The following SMARCC1 variants were observed in gnomAD, a reference collection of about 807,000 sequenced individuals.
SMARCC1 encodes SWI/SNF complex subunit SMARCC1.
A neutral mutation model predicts 147.4 loss-of-function variants in SMARCC1; 43 were observed. The ratio of observed to expected loss-of-function variants is 0.29; its 90% CI spans 0.23 to 0.38. SMARCC1 has a LOEUF of 0.38. Among genes scored for constraint, SMARCC1 ranks in the 10% least tolerant of loss-of-function variants. The probability of loss-of-function intolerance (pLI) is 1.00; values close to 1 mark genes in which losing one functional copy is unlikely to be tolerated. For synonymous variants in SMARCC1, 495 were observed against 484.4 expected, an observed-to-expected ratio of 1.02 and a Z score of -0.29; for missense variants, 1,119 against 1,381.1, an observed-to-expected ratio of 0.81 and a Z score of 3.01.
rs956233983 is a variant in SMARCC1, at chr3:47,706,586, A to G, written c.919-56T>C. On this transcript the variant is annotated intron_variant, in intron 9 of 27. Transcript: ENST00000254480. ...GCTATCTTTGCTCCTCAGTTTCTAC[A>G]AATCCTTGGCAAAAGGTGAATCTCC... 15 of 1,457,358 alleles carry G rather than the reference A, an allele frequency of 1.0e-5. No homozygotes were observed. The African/African-American group carries it at 1.8e-4, about 17-fold the overall frequency. The allele number at this position is 1,457,358 out of a possible 1,614,324, so 90.3% of individuals were successfully genotyped here. A position where few individuals can be genotyped will look rare whatever the true frequency, so the allele number is the denominator to read the frequency against.
chr3:47,642,646 G>A (rs920974115), intron 21 of SMARCC1, among the ~76,000 whole-genome samples: 4 of 152,072 alleles, frequency 2.6e-5, no homozygotes, highest in Non-Finnish European at 4.4e-5. Flanking sequence ...ACAATGAAAT[G>A]TCATTTTACG....
At chr3:47,665,899 G>A (rs1193736258) in intron 19 of SMARCC1, among the ~76,000 whole-genome samples, 7 of 148,316 alleles carry the variant, frequency 4.7e-5, no homozygotes, top group Admixed American at 4.0e-4. Flanking sequence ...TGCCCAAGCT[G>A]CTGTCCAATT....
At chr3:47,715,743 G>A (rs534705495) in intron 7 of SMARCC1, among the ~76,000 whole-genome samples, 42 of 152,236 alleles carry the variant, frequency 2.8e-4, no homozygotes, top group Admixed American at 9.8e-4. Flanking sequence ...CAGAGACTCT[G>A]ACCCCATTTC....
chr3:47,767,824 C>A (rs573557127), intron 2 of SMARCC1, among the ~76,000 whole-genome samples: 290 of 151,390 alleles, frequency 1.9e-3, no homozygotes, highest in African/African-American at 6.8e-3. Flanking sequence ...GCCAAGACTG[C>A]GCCATTGCAC....
intron 24 of SMARCC1, among the ~76,000 whole-genome samples, chr3:47,632,308 A>T (rs556633303): frequency 2.4e-4 from 36 of 150,350 alleles, no homozygotes; most frequent in East Asian, 9.7e-4. Flanking sequence ...TAAAAAAAAA[A>T]TTTTTTTTTT....
In SMARCC1 at chr3:47,602,318, G is replaced by A. The variant is rs559945948; in HGVS notation, c.3043+7748C>T. On this transcript the variant is annotated intron_variant, in intron 26 of 27. Coordinates refer to ENST00000254480, the MANE Select transcript of SMARCC1 (RefSeq NM_003074.4). ...AAAAAAAGTTCCAGTTTTTTTAAAAGACAGGGTCTTGCTCTATCGCCCAGG... is the reference window on the plus strand; with the variant it reads ...AAAAAAAGTTCCAGTTTTTTTAAAAAACAGGGTCTTGCTCTATCGCCCAGG... 4.6e-5 allele frequency among the ~76,000 whole-genome samples: 7 copies of A among 152,228 alleles called. 1 individual carries two copies. The South Asian group carries it at 6.2e-4, about 14-fold the overall frequency.
chr3:47,589,191 G>A (rs1034187812), intron 27 of SMARCC1, among the ~76,000 whole-genome samples: 2 of 152,158 alleles, frequency 1.3e-5, no homozygotes, highest in Non-Finnish European at 2.9e-5. Context: ...GGCTGAAGTG[G>A]AGAAGCAACT....
chr3:47,623,590 T>C (rs1443662280), intron 24 of SMARCC1, among the ~76,000 whole-genome samples: 3 of 152,166 alleles, frequency 2.0e-5, no homozygotes, highest in African/African-American at 7.2e-5. Context: ...CACCCTAAAC[T>C]ACAATGAGCT....
chr3:47,605,094 T>C (rs2032449575), intron 26 of SMARCC1, among the ~76,000 whole-genome samples: 1 of 152,146 alleles, frequency 6.6e-6, no homozygotes, highest in Non-Finnish European at 1.5e-5. Context: ...TTTGGAAAAA[T>C]TATTATCTTG....
At chr3:47,672,427 C>G (rs1559641002) in intron 18 of SMARCC1, among the ~76,000 whole-genome samples, 1 of 152,006 alleles carries the variant, frequency 6.6e-6, no homozygotes, top group Non-Finnish European at 1.5e-5. Flanking sequence ...AGGATGGTCT[C>G]GATCTCCTGA....
intron 2 of SMARCC1, among the ~76,000 whole-genome samples, chr3:47,763,287 C>T (rs1169625087): frequency 6.7e-6 from 1 of 149,670 alleles, no homozygotes; most frequent in African/African-American, 2.5e-5. Context: ...GTTAGGATTA[C>T]AGGCATGAGC....
chr3:47,728,836 G>A (rs533973931), intron 6 of SMARCC1, among the ~76,000 whole-genome samples, 189 bp downstream of exon 6: 7 of 152,256 alleles, frequency 4.6e-5, no homozygotes, highest in African/African-American at 1.2e-4. Flanking sequence ...TCTTGAACCC[G>A]GGAGGTGGAG....
At chr3:47,620,400 T>C (rs1249028710) in intron 25 of SMARCC1, among the ~76,000 whole-genome samples, 2 of 151,544 alleles carry the variant, frequency 1.3e-5, no homozygotes, top group Non-Finnish European at 2.9e-5. Flanking sequence ...GAGGTGGAGG[T>C]TGTGGTGAGC....
chr3:47,670,801 G>T, intron 18 of SMARCC1, 84 bp from the exon 19 acceptor site: 1 of 848,944 alleles, frequency 1.2e-6, no homozygotes, highest in South Asian at 1.3e-5. Context: ...AAGCTCAGGG[G>T]ACTGTGTTAC....
chr3:47,663,301 T>A (rs900029009), intron 19 of SMARCC1, among the ~76,000 whole-genome samples: 1 of 151,442 alleles, frequency 6.6e-6, no homozygotes, highest in Non-Finnish European at 1.5e-5. Context: ...CATGACTGTT[T>A]ATGTAGAAAA....
intron 1 of SMARCC1, among the ~76,000 whole-genome samples, chr3:47,780,370 C>T (rs2035031940): frequency 6.6e-6 from 1 of 151,744 alleles, no homozygotes; most frequent in African/African-American, 2.4e-5. Context: ...GGGGTTTCAC[C>T]ATGTTGGTCA....
At chr3:47,599,783 C>T (rs1012202390) in intron 26 of SMARCC1, among the ~76,000 whole-genome samples, 4 of 152,124 alleles carry the variant, frequency 2.6e-5, no homozygotes, top group Non-Finnish European at 4.4e-5. Flanking sequence ...TTTCTGAACC[C>T]GCAATTCAGA....
intron 18 of SMARCC1, among the ~76,000 whole-genome samples, chr3:47,671,189 A>AAAAAAAAAAC (rs1559640685): frequency 2.7e-5 from 4 of 145,730 alleles, no homozygotes; most frequent in Non-Finnish European, 3.0e-5. Context: ...AAAAAAAAAA[A>AAAAAAAAAAC]AAAAAAAAAC....
chr3:47,765,625 C>T (rs1203049438), intron 2 of SMARCC1, among the ~76,000 whole-genome samples: 1 of 152,164 alleles, frequency 6.6e-6, no homozygotes, highest in Non-Finnish European at 1.5e-5. Flanking sequence ...GGTCTCCTTC[C>T]TAGTCCCATG....
Sources: allele counts gnomAD v4.1 joint callset (sites outside exome capture counted in the v4.1 genomes callset), GRCh38; gene constraint gnomAD v4.1.1; transcripts MANE v1.5; gene names NCBI Gene and HGNC (gene_info 2026-07-23, HGNC 2026-07-21).